LMAN2L: variants seen among roughly 807,000 people sequenced by gnomAD.
LMAN2L encodes the protein VIP36-like protein.
LMAN2L carries 30 observed loss-of-function variants against 44.3 expected under a neutral mutation model. The ratio of observed to expected loss-of-function variants is 0.68; its 90% confidence interval spans 0.51 to 0.92. LMAN2L has a LOEUF of 0.92. LMAN2L is among the 40% of genes least tolerant of loss of function. LMAN2L has a pLI of 0.00. For synonymous variants in LMAN2L, 183 were observed against 171.1 expected, an observed-to-expected ratio of 1.07 and a Z score of -0.54; for missense variants, 429 against 446.1, an observed-to-expected ratio of 0.96 and a Z score of 0.35.
chr2:96,734,822 A>C, intron 2 of LMAN2L: 2 of 357,506 alleles, frequency 5.6e-6, no homozygotes, highest in Non-Finnish European at 1.0e-5. Flanking sequence ...ACCAAACTCC[A>C]CTCCTGTGAT....
At chr2:96,728,851 A>G (rs1385286440) in intron 4 of LMAN2L, among the ~76,000 whole-genome samples, 15 of 147,208 alleles carry the variant, frequency 1.0e-4, no homozygotes, top group East Asian at 2.1e-4. Context: ...CAGCCTGGGT[A>G]ACAGAGCAAG....
chr2:96,737,250 G>C (rs984333719), intron 2 of LMAN2L: 1 of 422,864 alleles, frequency 2.4e-6, no homozygotes, highest in African/African-American at 2.1e-5. Flanking sequence ...CAAATAAAAT[G>C]ACCAACAGCT....
At chr2:96,722,236 G>A (rs1323955720) in intron 4 of LMAN2L, among the ~76,000 whole-genome samples, 2 of 152,064 alleles carry the variant, frequency 1.3e-5, no homozygotes, top group African/African-American at 2.4e-5. Context: ...CCAAAGTGTT[G>A]GGATTACAGG....
rs75450291 is a variant in LMAN2L, at chr2:96,713,550, G to A, written c.508-1525C>T. Among the ~76,000 whole-genome samples, 49 of 152,252 alleles carry A rather than the reference G, an allele frequency of 3.2e-4. No individual in the cohort carries two copies. The East Asian group carries it at 7.5e-3, about 23-fold the overall frequency. Reference sequence around the variant, plus strand: ...CAAGTTTGTCTGTACCCAGCCTACTGTATTTCTATAGCAAGGGGAAAGAGG... The same window carrying A: ...CAAGTTTGTCTGTACCCAGCCTACTATATTTCTATAGCAAGGGGAAAGAGG... On this transcript the variant is annotated intron_variant, in intron 4 of 7. Coordinates refer to ENST00000264963, the MANE Select transcript of LMAN2L (RefSeq NM_030805.4).
At chr2:96,738,723 G>C (rs770014708) in intron 1 of LMAN2L, among the ~76,000 whole-genome samples, 2 of 151,918 alleles carry the variant, frequency 1.3e-5, no homozygotes, top group Non-Finnish European at 2.9e-5. Flanking sequence ...CAGGCCTCCG[G>C]GGCTTAGTCA....
intron 3 of LMAN2L, among the ~76,000 whole-genome samples, chr2:96,733,943 A>G (rs2078459314): frequency 6.6e-6 from 1 of 152,188 alleles, no homozygotes; most frequent in Non-Finnish European, 1.5e-5. Context: ...CCAAGAGAGA[A>G]CTGAATTCCC....
intron 1 of LMAN2L, among the ~76,000 whole-genome samples, chr2:96,738,563 C>T (rs1342149670): frequency 6.6e-6 from 1 of 152,070 alleles, no homozygotes. Flanking sequence ...ATAGTCCTAG[C>T]TACTCAGGAG....
intron 2 of LMAN2L, among the ~76,000 whole-genome samples, chr2:96,735,266 C>A (rs2078489946): frequency 6.6e-6 from 1 of 152,214 alleles, no homozygotes; most frequent in South Asian, 2.1e-4. Context: ...TAAAAGTCTA[C>A]TGTGAAGAAA....
At chr2:96,720,475 CTTT>C (rs74265067) in intron 4 of LMAN2L, among the ~76,000 whole-genome samples, 1 of 142,180 alleles carries the variant, frequency 7.0e-6, no homozygotes. Flanking sequence ...TTATCTTTAC[CTTT>C]TTTTTTTTTT....
At chr2:96,725,734 C>T (rs549373136) in intron 4 of LMAN2L, among the ~76,000 whole-genome samples, 31 of 152,046 alleles carry the variant, frequency 2.0e-4, no homozygotes, top group African/African-American at 7.0e-4. Context: ...CGTAAGCCAC[C>T]GCACCCGGCC....
At chr2:96,719,656 C>T (rs1217824012) in intron 4 of LMAN2L, among the ~76,000 whole-genome samples, 1 of 151,940 alleles carries the variant, frequency 6.6e-6, no homozygotes, top group Non-Finnish European at 1.5e-5. Context: ...AGTGCAGTGG[C>T]GTAATCTCGG....
intron 1 of LMAN2L, among the ~76,000 whole-genome samples, 177 bp downstream of exon 1, chr2:96,739,677 C>T (rs1428902957): frequency 2.0e-5 from 3 of 152,192 alleles, no homozygotes; most frequent in Non-Finnish European, 4.4e-5. Flanking sequence ...GGCAGGCACA[C>T]CTAACTCCTG....
chr2:96,723,859 C>T (rs1056852584), intron 4 of LMAN2L, among the ~76,000 whole-genome samples: 1 of 151,976 alleles, frequency 6.6e-6, no homozygotes, highest in African/African-American at 2.4e-5. Context: ...GAGGCCGACG[C>T]GGGTGGATCA....
chr2:96,739,274 A>C (rs2078583921), intron 1 of LMAN2L, among the ~76,000 whole-genome samples: 1 of 152,120 alleles, frequency 6.6e-6, no homozygotes, highest in African/African-American at 2.4e-5. Flanking sequence ...GTGGGGAAAG[A>C]CTTGTGTTAG....
chr2:96,716,242 ACAT>A (rs2078038496), intron 4 of LMAN2L, among the ~76,000 whole-genome samples: 1 of 152,234 alleles, frequency 6.6e-6, no homozygotes, highest in Non-Finnish European at 1.5e-5. Context: ...TCTATAATAA[ACAT>A]CATTTTACAA....
intron 2 of LMAN2L, chr2:96,737,134 T>C (rs1372777818): frequency 1.5e-5 from 7 of 456,216 alleles, no homozygotes; most frequent in Admixed American, 4.7e-5. Context: ...AGCATCATCT[T>C]ACACTTGTAC....
At chr2:96,718,255 C>T (rs2078081410) in intron 4 of LMAN2L, among the ~76,000 whole-genome samples, 2 of 152,198 alleles carry the variant, frequency 1.3e-5, no homozygotes, top group East Asian at 1.9e-4. Flanking sequence ...TGTGCGTGGC[C>T]GGTTGTATTC....
chr2:96,714,379 C>T (rs982890432), intron 4 of LMAN2L, among the ~76,000 whole-genome samples: 3 of 152,182 alleles, frequency 2.0e-5, no homozygotes, highest in African/African-American at 4.8e-5. Context: ...GCCAGGAGTC[C>T]GAGGCTGCAG....
chr2:96,733,429 T>C lies in LMAN2L; in HGVS notation c.507+90A>G, dbSNP rs532885563. On this transcript the variant is annotated intron_variant, in intron 4 of 7. Coordinates refer to ENST00000264963, the MANE Select transcript of LMAN2L (RefSeq NM_030805.4). ...AACAGATGAAGAACCCCTCACTTTC[T>C]ATCTCCTTTGTTCCCTCCTGTACAA... is the stretch of plus-strand genomic sequence containing the variant. The C allele has an allele frequency of 1.3e-5, 12 of 924,180 alleles. No individual in the cohort carries two copies. In the South Asian group the frequency reaches 1.8e-4, roughly 14 times the overall value. The allele number at this position is 924,180 out of a possible 1,614,324, so 57.2% of individuals were successfully genotyped here.
Sources: gnomAD v4.1 joint callset for allele counts (sites outside exome capture counted in the v4.1 genomes callset) on GRCh38, gnomAD v4.1.1 for gene constraint, MANE v1.5 for transcripts, NCBI Gene and HGNC (gene_info 2026-07-23, HGNC 2026-07-21) for gene names.